HS2ST1: variants seen among roughly 807,000 people sequenced by gnomAD.
HS2ST1 encodes 2-O-sulfotransferase.
A neutral mutation model predicts 42.9 loss-of-function variants in HS2ST1; 18 were observed. The observed-to-expected ratio is 0.42, with a 90% CI of 0.29 to 0.62. HS2ST1 has a LOEUF of 0.62. Among genes scored for constraint, HS2ST1 ranks in the 20% least tolerant of loss-of-function variants. The pLI is 0.21. For missense variants in HS2ST1, 334 were observed against 433.8 expected, an observed-to-expected ratio of 0.77 and a Z score of 2.04; for synonymous variants, 146 against 152.9, an observed-to-expected ratio of 0.95 and a Z score of 0.33.
intron 1 of HS2ST1, among the ~76,000 whole-genome samples, chr1:87,012,700 A>G (rs930683938): frequency 5.3e-5 from 8 of 152,190 alleles, no homozygotes; most frequent in African/African-American, 1.2e-4. Context: ...CTACAGTTCA[A>G]TGTCTCATCT....
chr1:87,017,824 T>G (rs752859323), intron 1 of HS2ST1, among the ~76,000 whole-genome samples: 2 of 152,228 alleles, frequency 1.3e-5, no homozygotes, highest in Non-Finnish European at 2.9e-5. Flanking sequence ...ATGTGTCCTT[T>G]CTTCTGGCTT....
chr1:87,006,900 ATTC>A (rs1649455654), intron 1 of HS2ST1, among the ~76,000 whole-genome samples: 1 of 152,114 alleles, frequency 6.6e-6, no homozygotes, highest in African/African-American at 2.4e-5. Flanking sequence ...CTGTTGTAGA[ATTC>A]TTCTAGTCCT....
At chr1:87,010,203 G>A (rs1649560389) in intron 1 of HS2ST1, among the ~76,000 whole-genome samples, 1 of 152,098 alleles carries the variant, frequency 6.6e-6, no homozygotes, top group Non-Finnish European at 1.5e-5. Flanking sequence ...TATTAGGACT[G>A]TAATACTGTT....
chr1:86,933,455 G>A (rs941544873), intron 1 of HS2ST1, among the ~76,000 whole-genome samples: 1 of 152,096 alleles, frequency 6.6e-6, no homozygotes, highest in Non-Finnish European at 1.5e-5. Context: ...ATCCGTCAAA[G>A]CATTCTTCAT....
At chr1:87,101,155 TG>T (rs869163226) in intron 5 of HS2ST1, among the ~76,000 whole-genome samples, 5,986 of 78,074 alleles carry the variant, frequency 0.077, 2,230 homozygotes, top group South Asian at 0.11. Flanking sequence ...GTGTGTTTTT[TG>T]TTTTTTTTTT....
intron 4 of HS2ST1, among the ~76,000 whole-genome samples, chr1:87,093,922 A>G (rs1224897699): frequency 6.6e-6 from 1 of 151,890 alleles, no homozygotes; most frequent in Non-Finnish European, 1.5e-5. Flanking sequence ...TTTAGGCAGA[A>G]GATACTGATC....
intron 1 of HS2ST1, among the ~76,000 whole-genome samples, chr1:86,928,755 C>G (rs1660474167): frequency 6.6e-6 from 1 of 151,798 alleles, no homozygotes; most frequent in Non-Finnish European, 1.5e-5. Flanking sequence ...ATTTTCCTTC[C>G]TACTTTGAAG....
intron 1 of HS2ST1, among the ~76,000 whole-genome samples, chr1:86,929,366 G>A (rs771051023): frequency 6.6e-5 from 10 of 151,768 alleles, no homozygotes; most frequent in Non-Finnish European, 1.5e-4. Flanking sequence ...GATGTTACAT[G>A]AGTTATAGAT....
At chr1:87,051,912 A>G (rs1273820076) in intron 1 of HS2ST1, among the ~76,000 whole-genome samples, 2 of 152,214 alleles carry the variant, frequency 1.3e-5, no homozygotes, top group Non-Finnish European at 2.9e-5. Flanking sequence ...TACAAATTCA[A>G]CTGAAAAGCT....
chr1:87,007,067 A>G (rs1262791250), intron 1 of HS2ST1, among the ~76,000 whole-genome samples: 1 of 151,978 alleles, frequency 6.6e-6, no homozygotes, highest in Admixed American at 6.6e-5. Flanking sequence ...TAGCATAAAG[A>G]TTTTTTGGTC....
At chr1:86,948,368 A>T (rs1343547776) in intron 1 of HS2ST1, among the ~76,000 whole-genome samples, 1 of 152,194 alleles carries the variant, frequency 6.6e-6, no homozygotes, top group Non-Finnish European at 1.5e-5. Flanking sequence ...AGTGTACAGC[A>T]GGCTGGAATT....
In HS2ST1 at chr1:87,073,230, C is replaced by G. The variant is rs1651461578; in HGVS notation, c.363+58C>G. ...TCTAATACTTCCTCACTCAAATTTT[C>G]TAGCTCAAGGGGATAAAGTATTTTA... is the stretch of plus-strand genomic sequence containing the variant. On this transcript the variant is annotated intron_variant, in intron 2 of 6. Coordinates refer to ENST00000370550, the MANE Select transcript of HS2ST1 (RefSeq NM_012262.4). 5.0e-6 allele frequency: 6 copies of G among 1,203,874 alleles called. No homozygotes were observed. The South Asian group carries it at 7.4e-5, about 15-fold the overall frequency. The allele number at this position is 1,203,874 out of a possible 1,614,324, so 74.6% of individuals were successfully genotyped here. A position where few individuals can be genotyped will look rare whatever the true frequency, so the allele number is the denominator to read the frequency against.
Position 86,922,724 on chromosome 1 carries a change from G to A in HS2ST1, c.124+7564G>A, listed in dbSNP as rs186014840. On this transcript the variant is annotated intron_variant, in intron 1 of 6. Transcript: ENST00000370550. ...CATTCTTTGTTCAACTATATGTAGC[G>A]TGTCTTTTATTTTTCCTCTTTTGCC... 2.4e-4 allele frequency among the ~76,000 whole-genome samples: 36 copies of A among 152,124 alleles called. No homozygotes were observed. The East Asian group carries it at 4.6e-3, about 20-fold the overall frequency.
At chr1:86,986,525 G>A (rs1648791020) in intron 1 of HS2ST1, among the ~76,000 whole-genome samples, 1 of 152,180 alleles carries the variant, frequency 6.6e-6, no homozygotes, top group South Asian at 2.1e-4. Flanking sequence ...AATAACAAAT[G>A]ACATTAAGGT....
intron 3 of HS2ST1, among the ~76,000 whole-genome samples, chr1:87,085,452 A>G (rs1474328217): frequency 6.6e-6 from 1 of 152,226 alleles, no homozygotes; most frequent in Non-Finnish European, 1.5e-5. Flanking sequence ...TCACCCAAAT[A>G]TTACATACAT....
At chr1:87,074,596 A>G (rs1445739191) in intron 2 of HS2ST1, among the ~76,000 whole-genome samples, 1 of 152,158 alleles carries the variant, frequency 6.6e-6, no homozygotes, top group Non-Finnish European at 1.5e-5. Context: ...CACATATGAC[A>G]TTTATAGGCA....
chr1:86,986,963 G>A (rs1428511005), intron 1 of HS2ST1, among the ~76,000 whole-genome samples: 2 of 151,872 alleles, frequency 1.3e-5, no homozygotes, highest in African/African-American at 4.8e-5. Flanking sequence ...CTCACCATAG[G>A]CCTGGGTAGA....
intron 1 of HS2ST1, among the ~76,000 whole-genome samples, chr1:86,996,127 G>A (rs1324579093): frequency 1.1e-4 from 16 of 152,120 alleles, no homozygotes; most frequent in South Asian, 2.1e-4. Flanking sequence ...AAAGGAAAAC[G>A]AAATGGAAAG....
At chr1:86,993,128 G>C in intron 1 of HS2ST1, 1 of 1,601,284 alleles carries the variant, frequency 6.2e-7, no homozygotes, top group Non-Finnish European at 8.5e-7. Flanking sequence ...AGTATGCCAG[G>C]TACTGTATTT....
Sources: allele counts gnomAD v4.1 joint callset (sites outside exome capture counted in the v4.1 genomes callset), GRCh38; gene constraint gnomAD v4.1.1; transcripts MANE v1.5; gene names NCBI Gene and HGNC (gene_info 2026-07-23, HGNC 2026-07-21).